The following HELZ variants were observed in gnomAD, a reference collection of about 807,000 sequenced individuals.
HELZ encodes ATP-dependent RNA helicase with zinc finger domain.
A neutral mutation model predicts 218.2 loss-of-function variants in HELZ; 23 were observed. The ratio of observed to expected loss-of-function variants is 0.11; its 90% CI spans 0.08 to 0.15. The LOEUF (loss-of-function observed/expected upper bound fraction) is 0.15, where lower values mean the gene tolerates loss of function less well. Ranked by LOEUF, HELZ falls within the 10% of genes least tolerant of loss-of-function variation. The pLI is 1.00. For synonymous variants in HELZ, 814 were observed against 829.4 expected (o/e 0.98, Z 0.32); for missense variants, 1,813 against 2,353.7 (o/e 0.77, Z 4.75).
At chr17:67,199,420 T>C (rs767353946) in intron 7 of HELZ, among the ~76,000 whole-genome samples, 1 of 152,028 alleles carries the variant, frequency 6.6e-6, no homozygotes, top group Non-Finnish European at 1.5e-5. Flanking sequence ...AACATATTGG[T>C]CAGGCTGGTC....
chr17:67,167,643 C>A lies in HELZ; in HGVS notation c.1584G>T (p.Met528Ile). 1 of 1,614,106 alleles carries A rather than the reference C, an allele frequency of 6.2e-7. No homozygotes were observed. Among genetic ancestry groups the A allele is most frequent in the South Asian group, 1.1e-5 (1 of 91,050 alleles). ...ATAAATAAACAGCATTGACTTTGGTCATCACCAGTCGTCCAGCCAAAGTAT... is the reference window on the plus strand; with the variant it reads ...ATAAATAAACAGCATTGACTTTGGTAATCACCAGTCGTCCAGCCAAAGTAT... ...SEDTLAGRLV[M>I]TKVNAVYLLP... The change falls in exon 14 of 33, where the codon ATG becomes ATT. Residue 528 changes from methionine (M) to isoleucine (I), a missense_variant. Coordinates refer to ENST00000358691, the MANE Select transcript of HELZ (RefSeq NM_014877.4).
intron 3 of HELZ, among the ~76,000 whole-genome samples, chr17:67,236,924 G>A (rs1349719268): frequency 6.6e-6 from 1 of 152,144 alleles, no homozygotes; most frequent in African/African-American, 2.4e-5. Flanking sequence ...CCTTGGTCAT[G>A]ATGACCTATA....
At chr17:67,130,569 T>G (rs1407012011) in intron 23 of HELZ, among the ~76,000 whole-genome samples, 1 of 152,192 alleles carries the variant, frequency 6.6e-6, no homozygotes, top group Admixed American at 6.5e-5. Flanking sequence ...TTTATTTTTA[T>G]TTTTAAGAAC....
At chr17:67,145,693 G>C in intron 21 of HELZ, 50 bp downstream of exon 21, 6 of 1,464,294 alleles carry the variant, frequency 4.1e-6, no homozygotes, top group Non-Finnish European at 5.7e-6. Context: ...AACAAAACTA[G>C]ACGATGTGAC....
intron 23 of HELZ, among the ~76,000 whole-genome samples, chr17:67,135,009 C>T (rs1189308668): frequency 1.3e-5 from 2 of 150,658 alleles, no homozygotes; most frequent in Non-Finnish European, 3.0e-5. Context: ...CACAGTTCTT[C>T]AACACTCAAA....
chr17:67,166,165 A>T (rs1317431986), intron 15 of HELZ, among the ~76,000 whole-genome samples: 1 of 152,172 alleles, frequency 6.6e-6, no homozygotes, highest in Non-Finnish European at 1.5e-5. Flanking sequence ...ATTTTAAATT[A>T]ACTACTGGAA....
chr17:67,161,078 T>C lies in HELZ; in HGVS notation c.1896-2A>G. On this transcript the variant is annotated splice_acceptor_variant, in intron 15 of 32. Coordinates refer to ENST00000358691, the MANE Select transcript of HELZ (RefSeq NM_014877.4). LOFTEE classifies it high-confidence loss of function. The stretch of plus-strand genomic sequence containing the variant: ...GGATCCAACTGTTCATCCCATTGTC[T>C]ATGGAAAATAAAAATTTATGTTAAA... 1 of 1,586,760 alleles carries C rather than the reference T, an allele frequency of 6.3e-7. No individual in the cohort carries two copies. Among genetic ancestry groups the C allele is most frequent in the Non-Finnish European group, 8.6e-7 (1 of 1,167,010 alleles).
intron 12 of HELZ, 78 bp from the exon 13 acceptor site, chr17:67,179,004 A>G: frequency 1.1e-6 from 1 of 944,190 alleles, no homozygotes; most frequent in South Asian, 1.8e-5. Context: ...TCTTAACTAT[A>G]TTACATATTT....
Position 67,178,694 on chromosome 17 carries a change from A to G in HELZ, c.1395T>C (p.Tyr465=). 6.2e-7 allele frequency: 1 copy of G among 1,613,870 alleles called. No homozygotes were observed. The highest frequency in any genetic ancestry group is 8.5e-7 in the Non-Finnish European group (1 of 1,179,842). The stretch of plus-strand genomic sequence containing the variant: ...CTTTATACTGGGCTATCTCCTCAAT[A>G]TAAAGAAGGTCATGTAACCGTGACT... ...NYQSRLHDLL[Y]IEEIAQYKEI... Residue 465 remains tyrosine (Y), a synonymous_variant, in exon 13 of 33, where the codon TAT becomes TAC. Transcript: ENST00000358691.
chr17:67,094,989 C>T (rs1007664358), intron 31 of HELZ, among the ~76,000 whole-genome samples: 10 of 152,250 alleles, frequency 6.6e-5, no homozygotes, highest in Non-Finnish European at 1.3e-4. Context: ...TAAAGTTTGC[C>T]GCATCAGTTG....
chr17:67,174,442 C>A (rs746227129), intron 13 of HELZ, among the ~76,000 whole-genome samples: 5 of 152,138 alleles, frequency 3.3e-5, no homozygotes, highest in Admixed American at 1.3e-4. Context: ...TCTCTTGCAA[C>A]CCTTACCATC....
intron 5 of HELZ, among the ~76,000 whole-genome samples, chr17:67,213,704 A>G (rs545200637): frequency 3.9e-5 from 6 of 152,320 alleles, no homozygotes; most frequent in African/African-American, 1.4e-4. Context: ...TATAAAAAAA[A>G]GGGCAACAAT....
At chr17:67,217,195 G>GTA (rs995862290) in intron 4 of HELZ, among the ~76,000 whole-genome samples, 2 of 152,100 alleles carry the variant, frequency 1.3e-5, no homozygotes, top group Admixed American at 6.5e-5. Context: ...CTCCCCAGCT[G>GTA]TAGCCTTCTA....
intron 13 of HELZ, among the ~76,000 whole-genome samples, chr17:67,168,807 T>G (rs180873770): frequency 6.6e-6 from 1 of 152,022 alleles, no homozygotes; most frequent in Non-Finnish European, 1.5e-5. Flanking sequence ...TCAAGAAATA[T>G]GGAGCCGGAC....
chr17:67,086,631 A>ATATATATAAATAAATATAAATATATATAT (rs1598183996), intron 32 of HELZ, among the ~76,000 whole-genome samples, 198 bp downstream of exon 32: 1 of 93,300 alleles, frequency 1.1e-5, no homozygotes, highest in South Asian at 3.0e-4. Flanking sequence ...TATAAATATA[A>ATATATATAAATAAATATAAATATATATAT]ATATATATAT....
At chr17:67,148,930 A>T (rs1329864382) in intron 19 of HELZ, among the ~76,000 whole-genome samples, 1 of 152,200 alleles carries the variant, frequency 6.6e-6, no homozygotes, top group Non-Finnish European at 1.5e-5. Flanking sequence ...GTTTACCAAC[A>T]CTAACCCAGA....
At chr17:67,081,392 C>T (rs906486241) in intron 32 of HELZ, among the ~76,000 whole-genome samples, 8 of 152,102 alleles carry the variant, frequency 5.3e-5, no homozygotes, top group African/African-American at 1.9e-4. Flanking sequence ...CCTCTGAACA[C>T]GGTAAAAGGT....
chr17:67,095,687 T>C (rs1350098299), intron 31 of HELZ, among the ~76,000 whole-genome samples: 1 of 152,228 alleles, frequency 6.6e-6, no homozygotes, highest in Non-Finnish European at 1.5e-5. Flanking sequence ...CTCCACTGAC[T>C]TCTTGAACCC....
At chr17:67,174,050 TGAG>T (rs1236006759) in intron 13 of HELZ, among the ~76,000 whole-genome samples, 3 of 152,254 alleles carry the variant, frequency 2.0e-5, no homozygotes, top group African/African-American at 7.2e-5. Context: ...AACATGTGAC[TGAG>T]GATAAGAGAA....
Sources: allele counts gnomAD v4.1 joint callset (sites outside exome capture counted in the v4.1 genomes callset), GRCh38; gene constraint gnomAD v4.1.1; transcripts MANE v1.5; gene names NCBI Gene and HGNC (gene_info 2026-07-23, HGNC 2026-07-21).